Variants in HS3ST5 observed in about 807,000 individuals in gnomAD.
HS3ST5 encodes heparan sulfate glucosamine 3-O-sulfotransferase 5.
A neutral mutation model predicts 25.4 loss-of-function variants in HS3ST5; 10 were observed. That is an observed-to-expected ratio of 0.39 (90% CI 0.24 to 0.67). HS3ST5 has a LOEUF of 0.67. Ranked by LOEUF, HS3ST5 falls within the 30% of genes least tolerant of loss-of-function variation. The probability of loss-of-function intolerance (pLI) is 0.44; values close to 1 mark genes in which losing one functional copy is unlikely to be tolerated. For synonymous variants in HS3ST5, 170 were observed against 162.4 expected, an observed-to-expected ratio of 1.05 and a Z score of -0.36; for missense variants, 324 against 420.7, an observed-to-expected ratio of 0.77 and a Z score of 2.01.
At chr6:114,246,603 C>T (rs946424702) in intron 1 of HS3ST5, among the ~76,000 whole-genome samples, 16 of 152,158 alleles carry the variant, frequency 1.1e-4, no homozygotes, top group African/African-American at 2.2e-4. Flanking sequence ...CCTTAGGCAA[C>T]GCTTATACAG....
chr6:114,178,916 C>T (rs1460359262), intron 2 of HS3ST5: 1 of 151,654 alleles, frequency 6.6e-6, no homozygotes, highest in Non-Finnish European at 1.5e-5. Context: ...AACAAAATGC[C>T]ATGTCAAGAG....
chr6:114,329,623 G>A (rs1776308583), intron 1 of HS3ST5, among the ~76,000 whole-genome samples: 1 of 152,136 alleles, frequency 6.6e-6, no homozygotes, highest in African/African-American at 2.4e-5. Context: ...GTGATGGAAG[G>A]ATCAACAAAA....
intron 1 of HS3ST5, among the ~76,000 whole-genome samples, chr6:114,341,518 A>C (rs1207789800): frequency 1.3e-5 from 2 of 152,034 alleles, no homozygotes; most frequent in African/African-American, 4.8e-5. Context: ...TCAGCGCTCC[A>C]GTGAGTAGCG....
At chr6:114,066,576 T>C (rs1171757312) in intron 3 of HS3ST5, among the ~76,000 whole-genome samples, 1 of 152,094 alleles carries the variant, frequency 6.6e-6, no homozygotes, top group Non-Finnish European at 1.5e-5. Flanking sequence ...GAGGTTGTAG[T>C]GAACCAAGAT....
chr6:114,133,424 G>T (rs1283771045), intron 3 of HS3ST5, among the ~76,000 whole-genome samples: 1 of 152,188 alleles, frequency 6.6e-6, no homozygotes, highest in African/African-American at 2.4e-5. Flanking sequence ...TCATGTGTTT[G>T]TGTGTGCACG....
intron 1 of HS3ST5, among the ~76,000 whole-genome samples, chr6:114,267,351 CAAGAAGCACCA>C (rs1323406197): frequency 6.6e-6 from 1 of 152,080 alleles, no homozygotes; most frequent in Non-Finnish European, 1.5e-5. Context: ...CTTGCCATGA[CAAGAAGCACCA>C]ATAAAAGGGC....
chr6:114,334,627 G>C (rs1554229060), intron 1 of HS3ST5, among the ~76,000 whole-genome samples: 2 of 152,148 alleles, frequency 1.3e-5, no homozygotes, highest in Non-Finnish European at 2.9e-5. Flanking sequence ...ACAGTATTCA[G>C]TATAGTCACA....
intron 3 of HS3ST5, among the ~76,000 whole-genome samples, chr6:114,117,382 T>C (rs1011020832): frequency 2.6e-5 from 4 of 152,098 alleles, no homozygotes; most frequent in African/African-American, 4.8e-5. Context: ...TCAGAAAATA[T>C]GGGTTTGAAT....
chr6:114,204,857 A>G (rs1487257962), intron 2 of HS3ST5, among the ~76,000 whole-genome samples: 1 of 152,152 alleles, frequency 6.6e-6, no homozygotes, highest in East Asian at 1.9e-4. Context: ...ATATACAGCT[A>G]TCCCGAGAAT....
At chr6:114,245,810 C>T (rs1487447547) in intron 1 of HS3ST5, among the ~76,000 whole-genome samples, 1 of 152,202 alleles carries the variant, frequency 6.6e-6, no homozygotes, top group East Asian at 1.9e-4. Flanking sequence ...ACAAACTAGA[C>T]AGGCGTTATG....
intron 3 of HS3ST5, among the ~76,000 whole-genome samples, chr6:114,073,527 CAT>C (rs1294097016): frequency 6.6e-6 from 1 of 152,138 alleles, no homozygotes. Context: ...AGCCAACAGA[CAT>C]ATGAAAAAAT....
chr6:114,256,337 G>A (rs572471333), intron 1 of HS3ST5, among the ~76,000 whole-genome samples: 66 of 150,992 alleles, frequency 4.4e-4, no homozygotes, highest in South Asian at 2.1e-3. Flanking sequence ...GCAGTGAGCC[G>A]AGATTGCGCC....
At chr6:114,084,466 A>C (rs887628127) in intron 3 of HS3ST5, 1 of 756,820 alleles carries the variant, frequency 1.3e-6, no homozygotes, top group Non-Finnish European at 2.4e-6. Context: ...ATCAGGCATG[A>C]CCTCCCGCGG....
chr6:114,310,710 C>T (rs957002064), intron 1 of HS3ST5, among the ~76,000 whole-genome samples: 1 of 152,074 alleles, frequency 6.6e-6, no homozygotes, highest in Non-Finnish European at 1.5e-5. Context: ...CATTTTCACA[C>T]CATCGTAGAG....
chr6:114,267,279 G>A (rs1302903256), intron 1 of HS3ST5, among the ~76,000 whole-genome samples: 1 of 152,160 alleles, frequency 6.6e-6, no homozygotes, highest in African/African-American at 2.4e-5. Context: ...TTTTAAAGGG[G>A]ATCAATTTCC....
At chr6:114,231,759 T>TA (rs1771601181) in intron 1 of HS3ST5, among the ~76,000 whole-genome samples, 1 of 79,170 alleles carries the variant, frequency 1.3e-5, no homozygotes, top group East Asian at 3.5e-4. Context: ...CCTATTCTAT[T>TA]TAAAAAAAAA....
At chr6:114,254,612 A>C (rs1450153929) in intron 1 of HS3ST5, among the ~76,000 whole-genome samples, 1 of 152,156 alleles carries the variant, frequency 6.6e-6, no homozygotes, top group Non-Finnish European at 1.5e-5. Flanking sequence ...AAAGAAAAAG[A>C]GGTTTAATGG....
intron 1 of HS3ST5, among the ~76,000 whole-genome samples, chr6:114,334,002 C>G (rs1776509610): frequency 6.6e-6 from 1 of 152,314 alleles, no homozygotes; most frequent in African/African-American, 2.4e-5. Context: ...TGTGCTCTGC[C>G]TCTGCCCAGT....
At chr6:114,137,967 A>G (rs1393911979) in intron 3 of HS3ST5, among the ~76,000 whole-genome samples, 3 of 152,134 alleles carry the variant, frequency 2.0e-5, no homozygotes, top group Admixed American at 6.5e-5. Flanking sequence ...CACTTATTAA[A>G]TCCCTGTTAT....
Sources: gnomAD v4.1 joint callset for allele counts (sites outside exome capture counted in the v4.1 genomes callset) on GRCh38, gnomAD v4.1.1 for gene constraint, MANE v1.5 for transcripts, NCBI Gene and HGNC (gene_info 2026-07-23, HGNC 2026-07-21) for gene names.